Variants in ERCC6L observed in about 807,000 individuals in gnomAD.
ERCC6L encodes DNA excision repair protein ERCC-6-like.
ERCC6L carries 7 observed loss-of-function variants against 20.1 expected under a neutral mutation model. The ratio of observed to expected loss-of-function variants is 0.35; its 90% CI spans 0.20 to 0.65. The LOEUF (loss-of-function observed/expected upper bound fraction) is 0.65. Ranked by LOEUF, ERCC6L falls within the 30% of genes least tolerant of loss-of-function variation. The pLI is 0.69. For missense variants in ERCC6L, 592 were observed against 892.4 expected (o/e 0.66, Z 4.29); for synonymous variants, 278 against 331.3 (o/e 0.84, Z 1.75).
chrX:72,232,626 T>C (rs3012648), intron 1 of ERCC6L, among the ~76,000 whole-genome samples: 32,638 of 110,131 alleles, frequency 0.3, 3,941 homozygotes, highest in East Asian at 0.5. Flanking sequence ...CTGGCTAACA[T>C]GACGAAACCC....
Position 72,211,788 on chromosome X carries a change from T to TA in ERCC6L, c.69-3091dup, listed in dbSNP as rs1218078276. Among the ~76,000 whole-genome samples, 170 of 98,121 alleles carry TA rather than the reference T, an allele frequency of 1.7e-3. 1 individual carries two copies. Among genetic ancestry groups the TA allele is most frequent in the African/African-American group, 4.6e-3 (124 of 26,988 alleles). The allele number at this position is 98,121 out of a possible 115,157, so 85.2% of individuals were successfully genotyped here. ...GACAGAGCAAGACCCGTTTCAAAAA[T>TA]AAAAAAAAAAAGAAATATTATATAC... On this transcript the variant is annotated intron_variant, in intron 1 of 1. Transcript: ENST00000334463.
rs201603911 is a variant in ERCC6L at position 72,205,241 on chromosome X, C to A, written c.3526G>T (p.Ala1176Ser). ...TGTTCACCAGACAAAGGCTCAGGGG[C>A]ACCAAGAGAGGTCTCTTGAGCTAGA... ...SALAQETSLG[A>S]PEPLSGEQLV... is the part of the protein sequence containing the mutation. Residue 1176 changes from alanine to serine, a missense_variant, in exon 2 of 2, where the codon GCC becomes TCC. Physicochemically the swap from Ala to Ser is moderately conservative, Grantham distance 99 (BLOSUM62 1). Coordinates refer to ENST00000334463, the MANE Select transcript of ERCC6L (RefSeq NM_017669.4). 8.3e-7 allele frequency: 1 copy of A among 1,209,844 alleles called. No homozygotes were observed. The highest frequency in any genetic ancestry group is 1.7e-5 in the African/African-American group (1 of 57,300).
chrX:72,205,819 C>A lies in ERCC6L; in HGVS notation c.2948G>T (p.Gly983Val). 1 of 1,211,704 alleles carries A rather than the reference C, an allele frequency of 8.3e-7. No homozygotes were observed. The highest frequency in any genetic ancestry group is 1.1e-6 in the Non-Finnish European group (1 of 895,499). ...EHVEKENSLC[G>V]SAPNSRAGFV... ...CCCTGCTCTGGAATTAGGTGCAGAG[C>A]CACACAAGCTATTTTCTTTCTCAAC... is the stretch of plus-strand genomic sequence containing the variant. The change falls in exon 2 of 2, where the codon GGC becomes GTC. Residue 983 changes from glycine (G) to valine (V), a missense_variant. Physicochemically the swap from Gly to Val is moderately radical, Grantham distance 109. Around this residue, in one of 3 missense-constraint regions of ERCC6L, gnomAD observed 352 missense variants for 402.6 expected, o/e 0.87. Coordinates refer to ENST00000334463, the MANE Select transcript of ERCC6L (RefSeq NM_017669.4).
rs769393229 is a variant in ERCC6L at position 72,205,274 on chromosome X, G to A, written c.3493C>T (p.Pro1165Ser). 1.3e-5 allele frequency: 16 copies of A among 1,210,310 alleles called. No homozygotes were observed. In the Admixed American group the frequency reaches 2.2e-4, roughly 17 times the overall value. ...NKSSWLMTSK[P>S]SALAQETSLG... ...GAGGTCTCTTGAGCTAGAGCACTAGGCTTAGACGTCATTAACCAGCTGGAC... is the reference window on the plus strand; with the variant it reads ...GAGGTCTCTTGAGCTAGAGCACTAGACTTAGACGTCATTAACCAGCTGGAC... The change falls in exon 2 of 2, where the codon CCT becomes TCT. Residue 1165 changes from proline to serine, a missense_variant. Physicochemically the swap from Pro to Ser is moderately conservative, Grantham distance 74 (BLOSUM62 -1). Transcript: ENST00000334463.
At chrX:72,208,857 G>A (rs1232791851) in intron 1 of ERCC6L, among the ~76,000 whole-genome samples, 159 bp from the exon 2 acceptor site, 1 of 112,138 alleles carries the variant, frequency 8.9e-6, no homozygotes, top group Admixed American at 9.5e-5. Context: ...GAAAGCTGGC[G>A]TCACTTGAGA....
chrX:72,222,802 T>TG (rs1383354462), intron 1 of ERCC6L, among the ~76,000 whole-genome samples: 3 of 107,103 alleles, frequency 2.8e-5, no homozygotes, highest in African/African-American at 1.0e-4. Context: ...TTCATCATGT[T>TG]GGTCAGGCTG....
In ERCC6L at chrX:72,206,500, G is replaced by C; in HGVS notation, c.2267C>G (p.Pro756Arg). The change falls in exon 2 of 2, where the codon CCT becomes CGT. Residue 756 changes from proline (P) to arginine (R), a missense_variant. Transcript: ENST00000334463. ...CTGAGTATGATGAGTACTTAGAAGA[G>C]GTGAAGGCTGAGGCTGTGGTTTATT... ...KLNKPQPQPS[P>R]LLSTHHTQEE... The C allele has an allele frequency of 2.5e-6, 3 of 1,211,592 alleles. No homozygotes were observed. Among genetic ancestry groups the C allele is most frequent in the Non-Finnish European group, 3.4e-6 (3 of 895,499 alleles).
At position 72,207,721 on chromosome X, in the gene ERCC6L, T is replaced by C. The variant is rs765230986; in HGVS notation, c.1046A>G (p.Asn349Ser). ...SNPEARLNEK[N>S]PDVDAICEMP... ...TTCACAAATGGCATCAACATCTGGA[T>C]TCTTTTCATTAAGTCTGGCCTCTGG... The change falls in exon 2 of 2, where the codon AAT becomes AGT. Residue 349 changes from asparagine to serine, a missense_variant. Physicochemically the swap from Asn to Ser is conservative, Grantham distance 46. Around this residue, in one of 3 missense-constraint regions of ERCC6L, gnomAD observed 196 missense variants for 440.1 expected, o/e 0.45. Coordinates refer to ENST00000334463, the MANE Select transcript of ERCC6L (RefSeq NM_017669.4). 1.1e-5 allele frequency: 13 copies of C among 1,211,742 alleles called. No individual in the cohort carries two copies. Among genetic ancestry groups the C allele is most frequent in the Non-Finnish European group, 1.5e-5 (13 of 895,497 alleles).
chrX:72,217,219 C>G (rs1053446760), intron 1 of ERCC6L, among the ~76,000 whole-genome samples: 1 of 111,723 alleles, frequency 9.0e-6, no homozygotes. Flanking sequence ...ATGTTCAGGT[C>G]TGATTACAAA....
intron 1 of ERCC6L, among the ~76,000 whole-genome samples, chrX:72,212,813 C>A (rs1463686107): frequency 9.0e-6 from 1 of 111,094 alleles, no homozygotes; most frequent in Admixed American, 9.6e-5. Context: ...GGTTTGGTGG[C>A]ATGCGCCTAG....
At chrX:72,218,684 G>A (rs2042901806) in intron 1 of ERCC6L, among the ~76,000 whole-genome samples, 2 of 109,999 alleles carry the variant, frequency 1.8e-5, no homozygotes, top group Admixed American at 1.9e-4. Context: ...TACTAGAGAC[G>A]GGGTTTCACC....
In ERCC6L at chrX:72,238,945, G is replaced by A; in HGVS notation, c.-34C>T. Reference sequence around the variant, plus strand: ...GATTGGGTTCCAGTTACCCCGGCGGGAGTTTGGAGCTTGGAGCTTGGAGCT... The same window carrying A: ...GATTGGGTTCCAGTTACCCCGGCGGAAGTTTGGAGCTTGGAGCTTGGAGCT... On this transcript the variant is annotated 5_prime_UTR_variant, in exon 1 of 2. Transcript: ENST00000334463. The A allele has an allele frequency of 8.8e-7, 1 of 1,136,114 alleles. No individual in the cohort carries two copies. Among genetic ancestry groups the A allele is most frequent in the Non-Finnish European group, 1.2e-6 (1 of 844,867 alleles). The allele number at this position is 1,136,114 out of a possible 1,213,427, so 93.6% of individuals were successfully genotyped here.
At chrX:72,222,595 CTTT>C (rs758259884) in intron 1 of ERCC6L, among the ~76,000 whole-genome samples, 7 of 85,033 alleles carry the variant, frequency 8.2e-5, no homozygotes, top group African/African-American at 9.2e-5. Context: ...AGAATCCAGC[CTTT>C]TTTTTTTTTT....
intron 1 of ERCC6L, among the ~76,000 whole-genome samples, chrX:72,235,484 C>T: frequency 9.2e-6 from 1 of 108,525 alleles, no homozygotes; most frequent in Non-Finnish European, 1.9e-5. Flanking sequence ...CAACCTCCAC[C>T]TCCTGGGTTC....
chrX:72,214,975 A>T (rs1389906558), intron 1 of ERCC6L, among the ~76,000 whole-genome samples: 4 of 111,816 alleles, frequency 3.6e-5, no homozygotes, highest in Non-Finnish European at 7.5e-5. Flanking sequence ...TGAAAAAGCA[A>T]GACTCTGACT....
At chrX:72,238,698 C>T in intron 1 of ERCC6L, 146 bp downstream of exon 1, 3 of 499,442 alleles carry the variant, frequency 6.0e-6, no homozygotes, top group Non-Finnish European at 9.9e-6. Context: ...GAGCTGACTC[C>T]CACACCCTAC....
chrX:72,208,734 C>A, intron 1 of ERCC6L, 36 bp from the exon 2 acceptor site: 1 of 1,074,694 alleles, frequency 9.3e-7, no homozygotes, highest in Admixed American at 2.9e-5. Flanking sequence ...AGAAAGGAAA[C>A]ATTGAACATT....
intron 1 of ERCC6L, among the ~76,000 whole-genome samples, chrX:72,214,697 A>G (rs2042877929): frequency 1.9e-5 from 2 of 103,026 alleles, no homozygotes; most frequent in Admixed American, 2.1e-4. Flanking sequence ...AAACAAAACA[A>G]AAGTTTAGGC....
At chrX:72,216,716 T>A (rs1164588177) in intron 1 of ERCC6L, among the ~76,000 whole-genome samples, 1 of 111,356 alleles carries the variant, frequency 9.0e-6, no homozygotes, top group Non-Finnish European at 1.9e-5. Context: ...GGCTAGAAGA[T>A]TAAGGAGCTG....
Sources: gnomAD v4.1 joint callset for allele counts (sites outside exome capture counted in the v4.1 genomes callset) on GRCh38, gnomAD v4.1.1 for gene constraint, gnomAD v4.1.1 regional missense constraint, MANE v1.5 for transcripts, NCBI Gene and HGNC (gene_info 2026-07-23, HGNC 2026-07-21) for gene names.